SLC25A42: variants seen among roughly 807,000 people sequenced by gnomAD.
The protein encoded by SLC25A42 is solute carrier family 25 member 42.
In SLC25A42, 19 loss-of-function variants were observed where a neutral mutation model predicts 34.7. The observed-to-expected ratio is 0.55, with a 90% CI of 0.38 to 0.80. The LOEUF (loss-of-function observed/expected upper bound fraction) is 0.80, where lower values mean the gene tolerates loss of function less well. Ranked by LOEUF, SLC25A42 falls within the 30% of genes least tolerant of loss-of-function variation. SLC25A42 has a pLI of 0.00. For missense variants in SLC25A42, 364 were observed against 441.3 expected (o/e 0.82, Z 1.57); for synonymous variants, 205 against 191.2 (o/e 1.07, Z -0.59).
intron 1 of SLC25A42, among the ~76,000 whole-genome samples, chr19:19,087,946 A>G (rs915441079): frequency 2.3e-4 from 35 of 152,182 alleles, no homozygotes; most frequent in African/African-American, 4.6e-4. Flanking sequence ...GGGAAGCACA[A>G]TTGGCTTTCT....
chr19:19,110,576 C>A lies in SLC25A42; in HGVS notation c.657C>A (p.Ser219Arg), dbSNP rs1376066628. 1.4e-6 allele frequency: 2 copies of A among 1,433,426 alleles called. No individual in the cohort carries two copies. Among genetic ancestry groups the A allele is most frequent in the Non-Finnish European group, 1.8e-6 (2 of 1,101,122 alleles). 88.8% of individuals were successfully genotyped at this position (1,433,426 alleles called of 1,614,324 possible). A position where few individuals can be genotyped will look rare whatever the true frequency, so the allele number is the denominator to read the frequency against. ...ETLKSLHREY[S>R]GRRQPYPFER... ...CCGCCCCTCGCCCTGCAGAGTACAG[C>A]GGCCGCCGGCAGCCCTACCCCTTCG... Residue 219 changes from serine to arginine, a missense_variant, in exon 8 of 8, where the codon AGC becomes AGA. Coordinates refer to ENST00000318596, the MANE Select transcript of SLC25A42 (RefSeq NM_178526.5).
At chr19:19,077,256 A>G (rs189831399) in intron 1 of SLC25A42, among the ~76,000 whole-genome samples, 29 of 152,348 alleles carry the variant, frequency 1.9e-4, no homozygotes, top group Admixed American at 8.5e-4. Context: ...TGTTCAGTTC[A>G]GTGGCATTAA....
Position 19,109,369 on chromosome 19 carries a change from C to T in SLC25A42, c.650-1200C>T, listed in dbSNP as rs557449560. 6.6e-6 allele frequency among the ~76,000 whole-genome samples: 1 copy of T among 152,356 alleles called. No individual in the cohort carries two copies. Among genetic ancestry groups the T allele is most frequent in the East Asian group, 1.9e-4 (1 of 5,192 alleles). On this transcript the variant is annotated intron_variant, in intron 7 of 7. Coordinates refer to ENST00000318596, the MANE Select transcript of SLC25A42 (RefSeq NM_178526.5). This position sits in a 1 kb window ranked among gnomAD's most constrained non-coding sequence, Gnocchi z 4.1. ...CCAGCCCCTTGACCCCACGTTCTCA[C>T]CCCACGTGATGCCATCAGACCCCTT...
intron 5 of SLC25A42, 36 bp downstream of exon 5, chr19:19,105,763 C>A: frequency 6.8e-7 from 1 of 1,474,976 alleles, no homozygotes. Context: ...AGAATCGCCC[C>A]GCCCACGCCC....
At chr19:19,101,941 C>T (rs921491549) in intron 3 of SLC25A42, 55 bp downstream of exon 3, 31 of 1,174,900 alleles carry the variant, frequency 2.6e-5, no homozygotes, top group South Asian at 2.5e-4. Flanking sequence ...TCACCTCCTC[C>T]TTCATGGCCC....
intron 3 of SLC25A42, among the ~76,000 whole-genome samples, chr19:19,103,723 G>GA (rs2059810642): frequency 6.6e-6 from 1 of 152,232 alleles, no homozygotes; most frequent in Admixed American, 6.5e-5. Context: ...TGTTTGGGAA[G>GA]AATCTGCAGG....
chr19:19,080,922 T>G (rs1458165974), intron 1 of SLC25A42, among the ~76,000 whole-genome samples: 1 of 128,432 alleles, frequency 7.8e-6, no homozygotes, highest in Non-Finnish European at 1.6e-5. Context: ...CCTATAAAAT[T>G]TAAAAAAAAA....
chr19:19,081,763 C>T lies in SLC25A42; in HGVS notation c.-34-14328C>T, dbSNP rs1456183924. Among the ~76,000 whole-genome samples the T allele has an allele frequency of 1.3e-5, 2 of 152,200 alleles. No homozygotes were observed. The highest frequency in any genetic ancestry group is 2.1e-4 in the South Asian group (1 of 4,830). ...CCCTACGCTGTCACCCGAGTGGTCC[C>T]GTGGTGTCCTCTGGCTTCCTTGCCT... On this transcript the variant is annotated intron_variant, in intron 1 of 7. Transcript: ENST00000318596. The surrounding 1 kb of genome is among the most constrained non-coding windows in gnomAD (Gnocchi z 4.5).
rs959957712 is a variant in SLC25A42, at chr19:19,109,576, G to A, written c.650-993G>A. On this transcript the variant is annotated intron_variant, in intron 7 of 7. Coordinates refer to ENST00000318596, the MANE Select transcript of SLC25A42 (RefSeq NM_178526.5). The surrounding 1 kb of genome is among the most constrained non-coding windows in gnomAD (Gnocchi z 4.1). Reference sequence around the variant, plus strand: ...CTCCCTAGTAGCTGGGATTACAGGCGCCCACCACCACACCTGGCTAATTTT... The same window carrying A: ...CTCCCTAGTAGCTGGGATTACAGGCACCCACCACCACACCTGGCTAATTTT... 3.3e-5 allele frequency among the ~76,000 whole-genome samples: 5 copies of A among 151,946 alleles called. No homozygotes were observed. The highest frequency in any genetic ancestry group is 6.6e-5 in the Admixed American group (1 of 15,230).
At chr19:19,097,877 C>T (rs1235995323) in intron 2 of SLC25A42, among the ~76,000 whole-genome samples, 1 of 151,706 alleles carries the variant, frequency 6.6e-6, no homozygotes, top group East Asian at 1.9e-4. Context: ...GTGGGAGAAT[C>T]GCTTGAACTC....
In SLC25A42 at chr19:19,107,996, C is replaced by T. The variant is rs144929128; in HGVS notation, c.600C>T (p.Tyr200=). The T allele has an allele frequency of 1.4e-3, 2,255 of 1,610,866 alleles. 10 individuals are homozygous for T. The highest frequency in any genetic ancestry group is 1.1e-3 in the Non-Finnish European group (1,290 of 1,178,154). ...FMPTVLGVIP[Y]AGLSFFTYET... ...CCACCGTGCTGGGGGTCATTCCCTA[C>T]GCTGGCCTGAGCTTCTTCACCTATG... is the stretch of plus-strand genomic sequence containing the variant. Residue 200 remains tyrosine (Y), a synonymous_variant, in exon 7 of 8, where the codon TAC becomes TAT. Coordinates refer to ENST00000318596, the MANE Select transcript of SLC25A42 (RefSeq NM_178526.5).
intron 1 of SLC25A42, among the ~76,000 whole-genome samples, chr19:19,073,043 T>G (rs553000144): frequency 6.6e-6 from 1 of 152,320 alleles, no homozygotes; most frequent in South Asian, 2.1e-4. Flanking sequence ...TGTCACATGC[T>G]AGACCCCATC....
chr19:19,107,970 C>T lies in SLC25A42; in HGVS notation c.574C>T (p.Pro192Ser), dbSNP rs144256360. Residue 192 changes from proline to serine, a missense_variant, in exon 7 of 8, where the codon CCC (proline) becomes TCC (serine). Pro to Ser is a moderately conservative substitution (Grantham distance 74). Transcript: ENST00000318596. Reference sequence around the variant, plus strand: ...GAAGACTCTCTACCATGGATTTATGCCCACCGTGCTGGGGGTCATTCCCTA... The same window carrying T: ...GAAGACTCTCTACCATGGATTTATGTCCACCGTGCTGGGGGTCATTCCCTA... ...GLKTLYHGFM[P>S]TVLGVIPYAG... 4.4e-4 allele frequency: 718 copies of T among 1,613,562 alleles called. No homozygotes were observed. Among genetic ancestry groups the T allele is most frequent in the Middle Eastern group, 1.2e-3 (7 of 6,052 alleles).
intron 2 of SLC25A42, 68 bp downstream of exon 2, chr19:19,096,273 GCTCCCTGCCTCCTCCTCCCAGC>G: frequency 9.9e-7 from 1 of 1,008,554 alleles, no homozygotes; most frequent in East Asian, 5.2e-5. Context: ...CCCCTCCCAG[GCTCCCTGCCTCCTCCTCCCAGC>G]CTCTGCACCC....
intron 1 of SLC25A42, among the ~76,000 whole-genome samples, chr19:19,086,301 C>A (rs1003337899): frequency 5.3e-5 from 8 of 151,792 alleles, no homozygotes; most frequent in African/African-American, 1.9e-4. Flanking sequence ...ACCTGGCTAA[C>A]TTTTGTATTT....
intron 1 of SLC25A42, among the ~76,000 whole-genome samples, chr19:19,085,197 G>A (rs953485019): frequency 1.3e-5 from 2 of 152,016 alleles, no homozygotes; most frequent in South Asian, 2.1e-4. Context: ...AGTCATTAGC[G>A]GCAGTGATTG....
chr19:19,077,123 G>A lies in SLC25A42; in HGVS notation c.-35+13008G>A, dbSNP rs56331488. Among the ~76,000 whole-genome samples the A allele has an allele frequency of 5.0e-3, 769 of 152,288 alleles. 2 individuals are homozygous for A. Among genetic ancestry groups the A allele is most frequent in the Non-Finnish European group, 8.5e-3 (580 of 68,012 alleles). ...CATTTGAGCCGGGGAGTCGGAGGCC[G>A]CAGTGAGCCATCATAGTGCCACTGC... On this transcript the variant is annotated intron_variant, in intron 1 of 7. Coordinates refer to ENST00000318596, the MANE Select transcript of SLC25A42 (RefSeq NM_178526.5).
intron 1 of SLC25A42, among the ~76,000 whole-genome samples, chr19:19,086,375 C>T (rs142062422): frequency 0.013 from 2,040 of 152,198 alleles, 42 homozygotes; most frequent in African/African-American, 0.044. Context: ...CTCAGGTGAT[C>T]CACCTGCCTC....
At position 19,082,396 on chromosome 19, in the gene SLC25A42, C is replaced by T. The variant is rs113429338; in HGVS notation, c.-34-13695C>T. ...GGTCCTTTTCCTTTTCCTTTCCTTT[C>T]CTGACAGAGTCTTGCTCCATCACCC... On this transcript the variant is annotated intron_variant, in intron 1 of 7. Transcript: ENST00000318596. 6.6e-3 allele frequency among the ~76,000 whole-genome samples: 1,008 copies of T among 152,306 alleles called. 10 individuals carry two copies. The highest frequency in any genetic ancestry group is 0.012 in the Non-Finnish European group (795 of 68,022).
Sources: gnomAD v4.1 joint callset for allele counts (sites outside exome capture counted in the v4.1 genomes callset) on GRCh38, gnomAD v4.1.1 for gene constraint, Gnocchi (gnomAD v3.1) non-coding constraint, MANE v1.5 for transcripts, NCBI Gene and HGNC (gene_info 2026-07-23, HGNC 2026-07-21) for gene names.